The following RAD51B variants were observed in gnomAD, a reference collection of about 807,000 sequenced individuals.
The protein encoded by RAD51B is RAD51 paralog B.
A neutral mutation model predicts 42.2 loss-of-function variants in RAD51B; 38 were observed. That is an observed-to-expected ratio of 0.90 (90% confidence interval 0.70 to 1.18). RAD51B has a LOEUF of 1.18. Among genes scored for constraint, RAD51B ranks in the 50% most tolerant of loss-of-function variants. The pLI is 0.00. For synonymous variants in RAD51B, 154 were observed against 145.2 expected (o/e 1.06, Z -0.43); for missense variants, 373 against 400.7 (o/e 0.93, Z 0.59).
At chr14:68,021,080 T>TA (rs1026640394) in intron 7 of RAD51B, among the ~76,000 whole-genome samples, 1 of 152,214 alleles carries the variant, frequency 6.6e-6, no homozygotes, top group Non-Finnish European at 1.5e-5. Flanking sequence ...CCTGGGACCT[T>TA]ACACTGTGTC....
In RAD51B at chr14:67,997,418, G is replaced by A. The variant is rs145041864; in HGVS notation, c.756+110214G>A. 2.3e-3 allele frequency among the ~76,000 whole-genome samples: 350 copies of A among 152,276 alleles called. 1 individual carries two copies. Among genetic ancestry groups the A allele is most frequent in the African/African-American group, 8.2e-3 (339 of 41,556 alleles). Reference sequence around the variant, plus strand: ...AAGCCAAGTGAATGAAGAGTATCAAGGAGGAGAGAGTGATGCATTATTGCC... The same window carrying A: ...AAGCCAAGTGAATGAAGAGTATCAAAGAGGAGAGAGTGATGCATTATTGCC... On this transcript the variant is annotated intron_variant, in intron 7 of 10. Transcript: ENST00000471583.
intron 11 of RAD51B, among the ~76,000 whole-genome samples, chr14:68,659,968 A>G (rs1892900002): frequency 6.6e-6 from 1 of 152,226 alleles, no homozygotes; most frequent in Non-Finnish European, 1.5e-5. Flanking sequence ...TCAAGAAATA[A>G]ACCAAGGAAA....
At chr14:68,229,531 G>A (rs977077851) in intron 7 of RAD51B, among the ~76,000 whole-genome samples, 5 of 152,192 alleles carry the variant, frequency 3.3e-5, no homozygotes, top group East Asian at 1.9e-4. Context: ...TGTCTTATAT[G>A]TTGTAGAATG....
intron 8 of RAD51B, among the ~76,000 whole-genome samples, chr14:68,369,740 A>G (rs1318161151): frequency 6.6e-6 from 1 of 152,234 alleles, no homozygotes; most frequent in African/African-American, 2.4e-5. Flanking sequence ...CATAATGACT[A>G]GCTCAGTACA....
At chr14:68,183,368 A>AAGGTCTAT (rs11282673) in intron 7 of RAD51B, among the ~76,000 whole-genome samples, 1 of 151,700 alleles carries the variant, frequency 6.6e-6, no homozygotes, top group African/African-American at 2.4e-5. Flanking sequence ...GAGAAAGATG[A>AAGGTCTAT]AGACTCAGCA....
intron 7 of RAD51B, among the ~76,000 whole-genome samples, chr14:68,026,544 A>T (rs1471205530): frequency 1.3e-5 from 2 of 151,992 alleles, no homozygotes; most frequent in African/African-American, 4.8e-5. Context: ...TTGGGTGGGT[A>T]TATATTTAGG....
At chr14:68,175,188 CT>C (rs2078941124) in intron 7 of RAD51B, among the ~76,000 whole-genome samples, 1 of 152,156 alleles carries the variant, frequency 6.6e-6, no homozygotes, top group Non-Finnish European at 1.5e-5. Context: ...CAACTTCAAA[CT>C]CCATTTTCCA....
At chr14:68,271,687 C>G (rs933954203) in intron 7 of RAD51B, among the ~76,000 whole-genome samples, 1 of 152,106 alleles carries the variant, frequency 6.6e-6, no homozygotes, top group Non-Finnish European at 1.5e-5. Context: ...AATACTATGG[C>G]CTGCCTCACA....
chr14:67,960,617 C>A (rs1299321869), intron 7 of RAD51B, among the ~76,000 whole-genome samples: 3 of 152,136 alleles, frequency 2.0e-5, no homozygotes, highest in Admixed American at 1.3e-4. Context: ...CTGGATAGAA[C>A]TTAGATATAT....
intron 7 of RAD51B, among the ~76,000 whole-genome samples, chr14:68,245,203 G>A (rs1253901976): frequency 6.6e-6 from 1 of 152,186 alleles, no homozygotes; most frequent in African/African-American, 2.4e-5. Context: ...TATAAATTTA[G>A]TACTTCAAAG....
At chr14:68,202,456 G>A (rs529709778) in intron 7 of RAD51B, among the ~76,000 whole-genome samples, 18 of 151,498 alleles carry the variant, frequency 1.2e-4, no homozygotes, top group East Asian at 5.9e-4. Flanking sequence ...TATCAACTAC[G>A]TTTATATAAT....
chr14:67,864,960 ACT>A (rs2042278247), intron 4 of RAD51B, 41 bp from the exon 5 acceptor site: 1 of 968,136 alleles, frequency 1.0e-6, no homozygotes, highest in South Asian at 2.6e-5. Context: ...TATCTAAAAA[ACT>A]TTTTTTTTTT....
intron 9 of RAD51B, among the ~76,000 whole-genome samples, chr14:68,430,389 G>A (rs2084971273): frequency 6.6e-6 from 1 of 152,184 alleles, no homozygotes; most frequent in African/African-American, 2.4e-5. Flanking sequence ...AGCATGGAAT[G>A]TTCTTCCATT....
At chr14:67,877,967 A>C (rs2042782553) in intron 5 of RAD51B, among the ~76,000 whole-genome samples, 1 of 152,200 alleles carries the variant, frequency 6.6e-6, no homozygotes, top group Non-Finnish European at 1.5e-5. Context: ...GCCTGGCCAG[A>C]AATTTGTAAA....
chr14:68,610,293 G>A (rs1891626302), intron 10 of RAD51B, among the ~76,000 whole-genome samples: 1 of 152,144 alleles, frequency 6.6e-6, no homozygotes, highest in African/African-American at 2.4e-5. Context: ...AGGAGCTTCT[G>A]CTCTATTTTT....
intron 8 of RAD51B, among the ~76,000 whole-genome samples, chr14:68,387,724 T>C (rs1272566813): frequency 6.6e-6 from 1 of 152,112 alleles, no homozygotes; most frequent in Non-Finnish European, 1.5e-5. Context: ...ATTAAGTTAG[T>C]TGGTCTCACA....
At chr14:67,853,793 G>C (rs2041898126) in intron 4 of RAD51B, among the ~76,000 whole-genome samples, 1 of 152,120 alleles carries the variant, frequency 6.6e-6, no homozygotes, top group African/African-American at 2.4e-5. Flanking sequence ...AAATTTCCTA[G>C]GTTATTTATC....
intron 7 of RAD51B, among the ~76,000 whole-genome samples, chr14:67,994,709 A>G (rs186827269): frequency 1.3e-5 from 2 of 152,258 alleles, no homozygotes; most frequent in East Asian, 1.9e-4. Context: ...TCTTTGGCAA[A>G]ATGTTAGCTC....
At chr14:68,410,619 G>GGCC (rs1338271560) in intron 8 of RAD51B, among the ~76,000 whole-genome samples, 1 of 152,154 alleles carries the variant, frequency 6.6e-6, no homozygotes, top group Non-Finnish European at 1.5e-5. Context: ...GTTCAGAGGA[G>GGCC]GCCTTGGGAT....
Sources: gnomAD v4.1 joint callset for allele counts (sites outside exome capture counted in the v4.1 genomes callset) on GRCh38, gnomAD v4.1.1 for gene constraint, MANE v1.5 for transcripts, NCBI Gene and HGNC (gene_info 2026-07-23, HGNC 2026-07-21) for gene names.